The following LYPLAL1 variants were observed in gnomAD, a reference collection of about 807,000 sequenced individuals.
LYPLAL1 encodes lysophospholipase like 1.
Under a neutral mutation model 19.7 loss-of-function variants are expected in LYPLAL1, and 23 were observed. The ratio of observed to expected loss-of-function variants is 1.17; its 90% CI spans 0.84 to 1.65. The LOEUF is 1.65. Ranked by LOEUF, LYPLAL1 falls within the 40% of genes most tolerant of loss-of-function variation. LYPLAL1 has a pLI of 0.00. For missense variants in LYPLAL1, 355 were observed against 279.4 expected (o/e 1.27, Z -1.93); for synonymous variants, 119 against 96.3 (o/e 1.24, Z -1.38).
chr1:219,434,110 C>T, the LYPLAL1 span, among the ~76,000 whole-genome samples: 41 of 151,906 alleles, frequency 2.7e-4, no homozygotes, highest in Admixed American at 1.3e-4. Context: ...TTTGTTCTTA[C>T]ATTTTACCGT....
At chr1:219,174,839 G>A (rs950833824) in intron 1 of LYPLAL1, 1 of 957,884 alleles carries the variant, frequency 1.0e-6, no homozygotes, top group Non-Finnish European at 1.2e-6. Context: ...CCTACCTAAA[G>A]TTAAAAACAA....
the LYPLAL1 span, among the ~76,000 whole-genome samples, chr1:219,346,445 G>A: frequency 2.0e-5 from 3 of 148,318 alleles, no homozygotes; most frequent in Non-Finnish European, 4.4e-5. Flanking sequence ...TTTAAGACCA[G>A]GAGGGTCAAT....
At chr1:219,316,842 T>C in the LYPLAL1 span, among the ~76,000 whole-genome samples, 1 of 152,162 alleles carries the variant, frequency 6.6e-6, no homozygotes, top group Non-Finnish European at 1.5e-5. Flanking sequence ...ACTCAGTGTT[T>C]TCAAAATGTT....
At chr1:219,354,362 A>G in the LYPLAL1 span, among the ~76,000 whole-genome samples, 1 of 152,090 alleles carries the variant, frequency 6.6e-6, no homozygotes, top group Admixed American at 6.5e-5. Context: ...AAGCTTGGCT[A>G]ATTTTTGTAT....
the LYPLAL1 span, among the ~76,000 whole-genome samples, chr1:219,289,087 G>GTT: frequency 2.9e-4 from 41 of 140,016 alleles, 2 homozygotes; most frequent in East Asian, 1.1e-3. Flanking sequence ...TGTTTTTTTT[G>GTT]TTTTTTTTGC....
intron 1 of LYPLAL1, 188 bp downstream of exon 1, chr1:219,174,169 T>G (rs1655607906): frequency 7.0e-7 from 1 of 1,428,334 alleles, no homozygotes; most frequent in Non-Finnish European, 9.1e-7. Context: ...CCGTTAGTCT[T>G]CCTCTTTCTA....
At chr1:219,362,605 C>G in the LYPLAL1 span, among the ~76,000 whole-genome samples, 1 of 152,020 alleles carries the variant, frequency 6.6e-6, no homozygotes, top group Non-Finnish European at 1.5e-5. Context: ...GAATGGGGTA[C>G]GGAAGTGGCA....
chr1:219,431,342 A>G, the LYPLAL1 span, among the ~76,000 whole-genome samples: 4 of 152,196 alleles, frequency 2.6e-5, no homozygotes, highest in African/African-American at 9.7e-5. Context: ...TGCTACCTGG[A>G]CACCGATTTG....
chr1:219,220,396 AGCCATCTACTAGTACCATCTACCATTAG>A, the LYPLAL1 span, among the ~76,000 whole-genome samples: 693 of 152,284 alleles, frequency 4.6e-3, 5 homozygotes, highest in South Asian at 0.023. Context: ...CAAGCAGGCC[AGCCATCTACTAGTACCATCTACCATTAG>A]GGAAAAGAAG....
chr1:219,331,802 G>A, the LYPLAL1 span, among the ~76,000 whole-genome samples: 2 of 152,250 alleles, frequency 1.3e-5, no homozygotes. Flanking sequence ...CTAGTGGTGC[G>A]TTGGAGAGGT....
the LYPLAL1 span, among the ~76,000 whole-genome samples, chr1:219,316,748 T>C: frequency 6.6e-6 from 1 of 152,200 alleles, no homozygotes; most frequent in South Asian, 2.1e-4. Flanking sequence ...GGCTGCAATG[T>C]GGATTAATCT....
chr1:219,254,944 G>A, the LYPLAL1 span, among the ~76,000 whole-genome samples: 5 of 151,944 alleles, frequency 3.3e-5, no homozygotes, highest in Admixed American at 2.0e-4. Context: ...CATAGTTGTC[G>A]AACGTTTTGT....
At chr1:219,320,133 TA>T in the LYPLAL1 span, among the ~76,000 whole-genome samples, 2 of 152,198 alleles carry the variant, frequency 1.3e-5, no homozygotes, top group African/African-American at 4.8e-5. Context: ...TCATAGTAGG[TA>T]AGCGTTTATA....
At chr1:219,287,439 T>C in the LYPLAL1 span, among the ~76,000 whole-genome samples, 1 of 152,146 alleles carries the variant, frequency 6.6e-6, no homozygotes. Flanking sequence ...GACAAGTTGC[T>C]CCACAGTGTG....
the LYPLAL1 span, among the ~76,000 whole-genome samples, chr1:219,410,781 G>A: frequency 6.6e-6 from 1 of 152,252 alleles, no homozygotes; most frequent in East Asian, 1.9e-4. Context: ...GGCAATGGGG[G>A]ACTTAGCACC....
At chr1:219,380,743 T>A in the LYPLAL1 span, among the ~76,000 whole-genome samples, 1 of 152,232 alleles carries the variant, frequency 6.6e-6, no homozygotes, top group East Asian at 1.9e-4. Flanking sequence ...ATTTGCTATA[T>A]TTCAGGAGTT....
the LYPLAL1 span, among the ~76,000 whole-genome samples, chr1:219,256,387 G>A: frequency 6.6e-6 from 1 of 151,746 alleles, no homozygotes; most frequent in Non-Finnish European, 1.5e-5. Flanking sequence ...TTTACAAAAT[G>A]TAATAATGAT....
the LYPLAL1 span, among the ~76,000 whole-genome samples, chr1:219,396,574 G>C: frequency 2.6e-5 from 4 of 152,114 alleles, no homozygotes; most frequent in African/African-American, 2.4e-5. Context: ...CCGTTTGTTA[G>C]TGTCTTTTCT....
chr1:219,428,364 C>A, the LYPLAL1 span, among the ~76,000 whole-genome samples: 1 of 152,124 alleles, frequency 6.6e-6, no homozygotes, highest in Non-Finnish European at 1.5e-5. Flanking sequence ...TTTTCAAAAC[C>A]GAAAGTTTGT....
Sources: allele counts gnomAD v4.1 joint callset (sites outside exome capture counted in the v4.1 genomes callset), GRCh38; gene constraint gnomAD v4.1.1; transcripts MANE v1.5; gene names NCBI Gene and HGNC (gene_info 2026-07-23, HGNC 2026-07-21).